PTPRD: variants seen among roughly 807,000 people sequenced by gnomAD.
The protein encoded by PTPRD is receptor-type tyrosine-protein phosphatase delta.
Under a neutral mutation model 214.5 loss-of-function variants are expected in PTPRD, and 34 were observed. That is an observed-to-expected ratio of 0.16 (90% CI 0.12 to 0.21). The LOEUF (loss-of-function observed/expected upper bound fraction) is 0.21. Ranked by LOEUF, PTPRD falls within the 10% of genes least tolerant of loss-of-function variation. The pLI, the probability that PTPRD is intolerant of heterozygous loss-of-function variation, is 1.00. For synonymous variants in PTPRD, 1,128 were observed against 845.7 expected (o/e 1.33, Z -5.79); for missense variants, 2,545 against 2,398.7 (o/e 1.06, Z -1.27).
chr9:8,528,543 A>T (rs1243449352), intron 15 of PTPRD, 48 bp downstream of exon 15: 5 of 1,417,662 alleles, frequency 3.5e-6, no homozygotes, highest in African/African-American at 3.9e-5. Flanking sequence ...AGAAAAATTA[A>T]AAAAAAAAAT....
At chr9:9,087,689 T>C (rs770079397) in intron 10 of PTPRD, among the ~76,000 whole-genome samples, 6 of 152,046 alleles carry the variant, frequency 3.9e-5, no homozygotes, top group Non-Finnish European at 1.5e-5. Context: ...ACTACCAAAA[T>C]AAGAAAGTCA....
chr9:9,673,500 G>C (rs1444548106), intron 7 of PTPRD, among the ~76,000 whole-genome samples: 2 of 151,498 alleles, frequency 1.3e-5, no homozygotes, highest in East Asian at 1.9e-4. Context: ...CACAGTAAAA[G>C]AAAGAAAAAT....
At chr9:10,541,018 A>C (rs2058985228) in intron 2 of PTPRD, among the ~76,000 whole-genome samples, 1 of 152,208 alleles carries the variant, frequency 6.6e-6, no homozygotes, top group African/African-American at 2.4e-5. Flanking sequence ...AATTGAATCA[A>C]GTAAAAAAAG....
At chr9:10,545,497 A>G (rs1356863384) in intron 2 of PTPRD, among the ~76,000 whole-genome samples, 1 of 152,170 alleles carries the variant, frequency 6.6e-6, no homozygotes, top group East Asian at 1.9e-4. Context: ...TTATAAATGT[A>G]AAGTTTATTT....
In PTPRD at chr9:8,314,614, C is replaced by T. The variant is rs934367384; in HGVS notation, c.*3260G>A. ...GCTGGAGTATCAGGGCACCCATAAACCCAAAAGGAACCAAAACCCAAAAAG... is the reference window on the plus strand; with the variant it reads ...GCTGGAGTATCAGGGCACCCATAAATCCAAAAGGAACCAAAACCCAAAAAG... On this transcript the variant is annotated 3_prime_UTR_variant, in exon 46 of 46. Coordinates refer to ENST00000381196, the MANE Select transcript of PTPRD (RefSeq NM_002839.4). The T allele has an allele frequency of 4.3e-5, 10 of 231,828 alleles. No homozygotes were observed. In the Admixed American group the frequency reaches 5.1e-4, roughly 12 times the overall value. The allele number at this position is 231,828 out of a possible 1,614,324, so 14.4% of individuals were successfully genotyped here.
At chr9:10,508,421 C>T (rs201924281) in intron 2 of PTPRD, among the ~76,000 whole-genome samples, 2 of 152,148 alleles carry the variant, frequency 1.3e-5, no homozygotes, top group African/African-American at 2.4e-5. Flanking sequence ...AGAAATACCA[C>T]TGGACCCAGC....
chr9:10,546,948 G>C (rs1020077028), intron 2 of PTPRD, among the ~76,000 whole-genome samples: 1 of 152,140 alleles, frequency 6.6e-6, no homozygotes, highest in East Asian at 1.9e-4. Context: ...CACTGTACAG[G>C]TAAGAGTTTT....
At chr9:10,142,895 A>G (rs571504586) in intron 3 of PTPRD, among the ~76,000 whole-genome samples, 6 of 149,464 alleles carry the variant, frequency 4.0e-5, no homozygotes, top group Admixed American at 2.0e-4. Flanking sequence ...ACAATGATAG[A>G]CTGGATTAAG....
intron 2 of PTPRD, among the ~76,000 whole-genome samples, chr9:10,590,271 C>T (rs899083040): frequency 6.6e-6 from 1 of 151,932 alleles, no homozygotes; most frequent in Admixed American, 6.6e-5. Flanking sequence ...CTATTACAAG[C>T]ACTTTTATCT....
intron 10 of PTPRD, among the ~76,000 whole-genome samples, chr9:9,138,498 C>T (rs2099854585): frequency 6.6e-6 from 1 of 152,054 alleles, no homozygotes; most frequent in African/African-American, 2.4e-5. Context: ...ACAAAATATG[C>T]TTCTGTAATT....
intron 11 of PTPRD, among the ~76,000 whole-genome samples, chr9:8,983,403 T>A (rs2099323759): frequency 6.6e-6 from 1 of 152,108 alleles, no homozygotes; most frequent in South Asian, 2.1e-4. Flanking sequence ...TCTTATGTTT[T>A]CCTGTAGTAA....
intron 3 of PTPRD, among the ~76,000 whole-genome samples, chr9:10,303,320 A>C (rs940955589): frequency 2.6e-5 from 4 of 152,216 alleles, no homozygotes; most frequent in African/African-American, 9.6e-5. Flanking sequence ...AAACATCTAA[A>C]TTCGATACCC....
chr9:10,142,363 G>C (rs1006323084), intron 3 of PTPRD, among the ~76,000 whole-genome samples: 4 of 151,232 alleles, frequency 2.6e-5, no homozygotes, highest in African/African-American at 9.7e-5. Flanking sequence ...GAAAATTTTC[G>C]CAACCTACTC....
intron 7 of PTPRD, among the ~76,000 whole-genome samples, chr9:9,608,665 T>C (rs1446923759): frequency 6.6e-6 from 1 of 152,178 alleles, no homozygotes; most frequent in East Asian, 1.9e-4. Flanking sequence ...ATCCTTACAA[T>C]TTATGTTTTT....
At chr9:10,066,516 C>G (rs1176665124) in intron 3 of PTPRD, among the ~76,000 whole-genome samples, 1 of 151,872 alleles carries the variant, frequency 6.6e-6, no homozygotes, top group Non-Finnish European at 1.5e-5. Context: ...CTTAGTAGCT[C>G]TTTTCATGGA....
intron 10 of PTPRD, among the ~76,000 whole-genome samples, chr9:9,170,984 C>T (rs567886876): frequency 6.6e-6 from 1 of 152,262 alleles, no homozygotes; most frequent in South Asian, 2.1e-4. Flanking sequence ...GTTACAGGCT[C>T]CTCTACATCA....
chr9:9,562,104 T>C (rs2154293121), intron 8 of PTPRD, among the ~76,000 whole-genome samples: 1 of 152,292 alleles, frequency 6.6e-6, no homozygotes, highest in African/African-American at 2.4e-5. Context: ...ATTTTCTGTG[T>C]CCCCCATATC....
At chr9:8,631,654 C>A (rs943925047) in intron 14 of PTPRD, among the ~76,000 whole-genome samples, 1 of 151,792 alleles carries the variant, frequency 6.6e-6, no homozygotes, top group Non-Finnish European at 1.5e-5. Context: ...GAAAGCTGAT[C>A]TAGTCTCTGT....
At chr9:10,466,665 A>G (rs1235235397) in intron 2 of PTPRD, among the ~76,000 whole-genome samples, 2 of 148,710 alleles carry the variant, frequency 1.3e-5, no homozygotes, top group Non-Finnish European at 3.0e-5. Flanking sequence ...AAGAAATTTT[A>G]TAACAACGTG....
Sources: allele counts gnomAD v4.1 joint callset (sites outside exome capture counted in the v4.1 genomes callset), GRCh38; gene constraint gnomAD v4.1.1; transcripts MANE v1.5; gene names NCBI Gene and HGNC (gene_info 2026-07-23, HGNC 2026-07-21).